SORCS1: variants seen among roughly 807,000 people sequenced by gnomAD.
SORCS1 encodes the protein sortilin related VPS10 domain containing receptor 1, also known as VPS10 domain-containing receptor SorCS1.
A neutral mutation model predicts 146.1 loss-of-function variants in SORCS1; 60 were observed. The observed-to-expected ratio is 0.41, with a 90% CI of 0.33 to 0.51. SORCS1 has a LOEUF of 0.51. Ranked by LOEUF, SORCS1 falls within the 20% of genes least tolerant of loss-of-function variation. The probability of loss-of-function intolerance (pLI) is 0.21; values close to 1 mark genes in which losing one functional copy is unlikely to be tolerated. For missense variants in SORCS1, 1,352 were observed against 1,487.6 expected (o/e 0.91, Z 1.50); for synonymous variants, 637 against 584.0 (o/e 1.09, Z -1.31).
intron 2 of SORCS1, among the ~76,000 whole-genome samples, chr10:106,914,714 A>C (rs191124826): frequency 4.2e-4 from 64 of 152,346 alleles, no homozygotes; most frequent in African/African-American, 1.3e-3. Context: ...CAATTAGCTC[A>C]TTAGCCAGCA....
At chr10:106,613,423 T>C (rs1589474147) in intron 21 of SORCS1, among the ~76,000 whole-genome samples, 1 of 151,964 alleles carries the variant, frequency 6.6e-6, no homozygotes, top group Non-Finnish European at 1.5e-5. Flanking sequence ...TGTTCAGGAG[T>C]CTTGGAGCCA....
intron 1 of SORCS1, among the ~76,000 whole-genome samples, chr10:107,110,622 C>G (rs1358592179): frequency 1.3e-5 from 2 of 151,828 alleles, no homozygotes; most frequent in Non-Finnish European, 2.9e-5. Context: ...CACCAACTCC[C>G]CCCACCCCCA....
At chr10:107,176,254 TTCC>T in the SORCS1 span, among the ~76,000 whole-genome samples, 2 of 151,526 alleles carry the variant, frequency 1.3e-5, no homozygotes, top group East Asian at 3.9e-4. Context: ...CCTTCCTTCC[TTCC>T]TTCCTTTTCT....
intron 1 of SORCS1, among the ~76,000 whole-genome samples, chr10:107,015,261 TG>T (rs1957851346): frequency 6.6e-6 from 1 of 152,164 alleles, no homozygotes; most frequent in South Asian, 2.1e-4. Flanking sequence ...TCTGCTGTTG[TG>T]GAGAGATAGA....
chr10:106,602,323 G>A (rs2133350260), intron 23 of SORCS1, among the ~76,000 whole-genome samples: 1 of 152,222 alleles, frequency 6.6e-6, no homozygotes, highest in East Asian at 1.9e-4. Context: ...CTGGGAGCTG[G>A]CTCAGTTGGT....
chr10:106,675,109 G>A lies in SORCS1; in HGVS notation c.1880C>T (p.Ser627Phe). Residue 627 changes from serine to phenylalanine, a missense_variant, in exon 14 of 26, where the codon TCT becomes TTT. Ser to Phe is a radical substitution (Grantham distance 155, BLOSUM62 -2). This residue lies in a region of SORCS1 where 648 missense variants were observed against 793.8 expected (regional missense o/e 0.82). Coordinates refer to ENST00000263054, the MANE Select transcript of SORCS1 (RefSeq NM_052918.5). ...AACCCCATCCACAAAAAGTGGAATA[G>A]ATGTGAAACTGTATTTGCTCCAAGA... ...GRSWSKYSFT[S>F]IPLFVDGVLG... is the part of the protein sequence containing the mutation. The A allele has an allele frequency of 6.2e-7, 1 of 1,613,874 alleles. No homozygotes were observed. Among genetic ancestry groups the A allele is most frequent in the African/African-American group, 1.3e-5 (1 of 75,008 alleles).
intron 1 of SORCS1, among the ~76,000 whole-genome samples, chr10:106,967,045 G>C (rs771169918): frequency 1.3e-5 from 2 of 150,754 alleles, no homozygotes; most frequent in African/African-American, 4.9e-5. Flanking sequence ...TGCAAATCTT[G>C]AAAATAGGGG....
chr10:106,699,392 T>C lies in SORCS1; in HGVS notation c.1235A>G (p.Asp412Gly). 6.2e-7 allele frequency: 1 copy of C among 1,607,658 alleles called. No homozygotes were observed. Among genetic ancestry groups the C allele is most frequent in the Non-Finnish European group, 8.5e-7 (1 of 1,176,898 alleles). Residue 412 changes from aspartate (D) to glycine (G), a missense_variant and splice_region_variant, in exon 9 of 26, where the codon GAC (aspartate) becomes GGC (glycine). Physicochemically the swap from Asp to Gly is moderately conservative, Grantham distance 94. Transcript: ENST00000263054. Reference sequence around the variant, plus strand: ...CTCATCGGTGCTGATAACATGCATGTCCTGTGAAAAGACACAAGGTCGTGA... The same window carrying C: ...CTCATCGGTGCTGATAACATGCATGCCCTGTGAAAAGACACAAGGTCGTGA... Reference protein sequence around the residue: ...MKLPKYALPKDMHVISTDENQ... With the variant: ...MKLPKYALPKGMHVISTDENQ...
At chr10:107,058,728 A>G (rs936508146) in intron 1 of SORCS1, among the ~76,000 whole-genome samples, 9 of 152,218 alleles carry the variant, frequency 5.9e-5, no homozygotes, top group Non-Finnish European at 1.0e-4. Context: ...TGCCTGTCAC[A>G]TGGAATCCAA....
chr10:106,777,736 C>T (rs1010417762), intron 3 of SORCS1, among the ~76,000 whole-genome samples: 18 of 152,130 alleles, frequency 1.2e-4, no homozygotes, highest in Non-Finnish European at 2.5e-4. Context: ...CATTTTATGC[C>T]TTCACGAATG....
intron 18 of SORCS1, among the ~76,000 whole-genome samples, chr10:106,638,656 C>T (rs1273525787): frequency 6.6e-6 from 1 of 152,154 alleles, no homozygotes; most frequent in Non-Finnish European, 1.5e-5. Flanking sequence ...TTCACCAAGT[C>T]ATAAGACCTC....
intron 2 of SORCS1, among the ~76,000 whole-genome samples, chr10:106,831,097 G>A (rs1948524522): frequency 1.3e-5 from 2 of 151,990 alleles, no homozygotes; most frequent in Non-Finnish European, 2.9e-5. Context: ...GGAGGCCAAG[G>A]CAGGAGAACT....
At chr10:106,962,271 T>G (rs1014773707) in intron 1 of SORCS1, among the ~76,000 whole-genome samples, 1 of 151,544 alleles carries the variant, frequency 6.6e-6, no homozygotes, top group African/African-American at 2.4e-5. Flanking sequence ...TGGTGGTGCA[T>G]GCCTTCATCC....
chr10:106,988,639 C>G (rs1041769348), intron 1 of SORCS1, among the ~76,000 whole-genome samples: 1 of 152,066 alleles, frequency 6.6e-6, no homozygotes, highest in Non-Finnish European at 1.5e-5. Flanking sequence ...GAATTATACA[C>G]TCGCAGGATG....
At chr10:107,096,561 G>C (rs1482882915) in intron 1 of SORCS1, among the ~76,000 whole-genome samples, 1 of 152,064 alleles carries the variant, frequency 6.6e-6, no homozygotes, top group Non-Finnish European at 1.5e-5. Context: ...CGCCAGGCTG[G>C]AGTGCAGTGA....
chr10:106,822,494 A>C (rs1319951629), intron 3 of SORCS1, among the ~76,000 whole-genome samples: 1 of 152,146 alleles, frequency 6.6e-6, no homozygotes, highest in Non-Finnish European at 1.5e-5. Context: ...GCTCATTTGA[A>C]ACCCAGGGGA....
chr10:106,814,715 C>T (rs1245978413), intron 3 of SORCS1, among the ~76,000 whole-genome samples: 3 of 151,832 alleles, frequency 2.0e-5, no homozygotes, highest in African/African-American at 4.8e-5. Context: ...GAGATCGAGA[C>T]CATCCTGGCT....
intron 1 of SORCS1, among the ~76,000 whole-genome samples, chr10:107,152,661 G>T (rs1179157534): frequency 6.6e-6 from 1 of 152,174 alleles, no homozygotes; most frequent in Non-Finnish European, 1.5e-5. Flanking sequence ...GTCACATGAA[G>T]AAGGATCTGT....
At chr10:107,087,412 A>G (rs1050862629) in intron 1 of SORCS1, among the ~76,000 whole-genome samples, 5 of 152,234 alleles carry the variant, frequency 3.3e-5, no homozygotes, top group Non-Finnish European at 1.5e-5. Flanking sequence ...TAAATAAAAG[A>G]CAATGTAATA....
Sources: gnomAD v4.1 joint callset for allele counts (sites outside exome capture counted in the v4.1 genomes callset) on GRCh38, gnomAD v4.1.1 for gene constraint, gnomAD v4.1.1 regional missense constraint, MANE v1.5 for transcripts, NCBI Gene and HGNC (gene_info 2026-07-23, HGNC 2026-07-21) for gene names.